The following CCL17 variants were observed in gnomAD, a reference collection of about 807,000 sequenced individuals.
CCL17 encodes C-C motif chemokine ligand 17.
In CCL17, 8 loss-of-function variants were observed where a neutral mutation model predicts 7.4. The observed-to-expected ratio is 1.09, with a 90% CI of 0.64 to 1.96. The LOEUF (loss-of-function observed/expected upper bound fraction) is 1.96. Ranked by LOEUF, CCL17 falls within the 30% of genes most tolerant of loss-of-function variation. The pLI is 0.00. For missense variants in CCL17, 102 were observed against 113.0 expected, an observed-to-expected ratio of 0.90 and a Z score of 0.44; for synonymous variants, 40 against 46.1, an observed-to-expected ratio of 0.87 and a Z score of 0.54.
Position 57,415,266 on chromosome 16 carries a change from C to A in CCL17, c.188+68C>A. On this transcript the variant is annotated intron_variant, in intron 3 of 3. Coordinates refer to ENST00000219244, the MANE Select transcript of CCL17 (RefSeq NM_002987.3). This position sits in a 1 kb window ranked among gnomAD's most constrained non-coding sequence, Gnocchi z 4.5. Reference sequence around the variant, plus strand: ...TGGGGACAAGTGCACCCTGGAGCTCCCAGGACGGCCAATGGGGAGCAGGGA... The same window carrying A: ...TGGGGACAAGTGCACCCTGGAGCTCACAGGACGGCCAATGGGGAGCAGGGA... 9.8e-7 allele frequency: 1 copy of A among 1,024,786 alleles called. No homozygotes were observed. 63.5% of individuals were successfully genotyped at this position (1,024,786 alleles called of 1,614,324 possible). A position where few individuals can be genotyped will look rare whatever the true frequency, so the allele number is the denominator to read the frequency against.
intron 1 of CCL17, among the ~76,000 whole-genome samples, chr16:57,409,976 G>T (rs1301091648): frequency 6.6e-6 from 1 of 152,172 alleles, no homozygotes; most frequent in Non-Finnish European, 1.5e-5. Context: ...GAGCTGCTCC[G>T]GGAGACCTCG....
intron 1 of CCL17, among the ~76,000 whole-genome samples, chr16:57,408,772 C>A (rs1369286908): frequency 6.6e-6 from 1 of 151,778 alleles, no homozygotes; most frequent in Non-Finnish European, 1.5e-5. Flanking sequence ...GACAGGGTTT[C>A]ACCATGTTGG....
chr16:57,407,450 A>G (rs1902712787), intron 1 of CCL17, among the ~76,000 whole-genome samples: 1 of 152,174 alleles, frequency 6.6e-6, no homozygotes, highest in African/African-American at 2.4e-5. Flanking sequence ...ACTGGTTTAA[A>G]AACTATTTGG....
upstream of CCL17, among the ~76,000 whole-genome samples, chr16:57,400,953 A>G (rs1373643122): frequency 5.3e-5 from 8 of 151,536 alleles, no homozygotes; most frequent in African/African-American, 1.9e-4. Context: ...GGGTGACAAG[A>G]GCGAGACCCC....
At chr16:57,404,546 G>A (rs182500327), upstream of CCL17, among the ~76,000 whole-genome samples, 73 of 152,198 alleles carry the variant, frequency 4.8e-4, no homozygotes, top group South Asian at 3.9e-3. Context: ...TTCAGACTTG[G>A]GGGGTTGGAG....
At chr16:57,412,512 G>A (rs1902801603) in intron 1 of CCL17, among the ~76,000 whole-genome samples, 1 of 152,248 alleles carries the variant, frequency 6.6e-6, no homozygotes, top group African/African-American at 2.4e-5. Flanking sequence ...AATAGCGGCT[G>A]TTGCAGTTAT....
upstream of CCL17, among the ~76,000 whole-genome samples, chr16:57,400,275 C>T (rs1319235960): frequency 2.6e-5 from 4 of 151,964 alleles, no homozygotes; most frequent in African/African-American, 4.8e-5. Flanking sequence ...AGGAGAATGG[C>T]GTGAACCCGA....
At chr16:57,401,761 C>G (rs971682654), upstream of CCL17, among the ~76,000 whole-genome samples, 7 of 152,064 alleles carry the variant, frequency 4.6e-5, no homozygotes, top group Non-Finnish European at 7.4e-5. Flanking sequence ...AACGCTGATG[C>G]CCTACCCAGG....
At chr16:57,400,203 CA>C (rs1281386834), upstream of CCL17, among the ~76,000 whole-genome samples, 1 of 151,986 alleles carries the variant, frequency 6.6e-6, no homozygotes, top group Non-Finnish European at 1.5e-5. Flanking sequence ...ACTAAAAATA[CA>C]AAAAATTAGC....
chr16:57,415,721 C>A lies in CCL17; in HGVS notation c.189-44C>A. 1 of 1,312,318 alleles carries A rather than the reference C, an allele frequency of 7.6e-7. No homozygotes were observed. The highest frequency in any genetic ancestry group is 1.1e-6 in the Non-Finnish European group (1 of 905,086). The allele number at this position is 1,312,318 out of a possible 1,614,324, so 81.3% of individuals were successfully genotyped here. On this transcript the variant is annotated intron_variant, in intron 3 of 3. Transcript: ENST00000219244. This position sits in a 1 kb window ranked among gnomAD's most constrained non-coding sequence, Gnocchi z 4.5. ...GGGCCGTCCCAGGGACTCTGGGGGC[C>A]CTTCCCCCCCTGCCACTCCTGGTAA... is the stretch of plus-strand genomic sequence containing the variant.
the CCL17 span, among the ~76,000 whole-genome samples, chr16:57,396,643 C>G: frequency 6.6e-6 from 1 of 152,172 alleles, no homozygotes; most frequent in East Asian, 1.9e-4. Flanking sequence ...ATTATTAAAC[C>G]TAGACTGTTT....
chr16:57,397,492 G>A, the CCL17 span, among the ~76,000 whole-genome samples: 2 of 152,152 alleles, frequency 1.3e-5, no homozygotes, highest in African/African-American at 4.8e-5. Context: ...TATTTCTAAT[G>A]GGAGTTTCCA....
upstream of CCL17, among the ~76,000 whole-genome samples, chr16:57,403,181 ATATAATATATATTATTATC>A (rs1902619616): frequency 1.9e-5 from 1 of 53,916 alleles, no homozygotes; most frequent in African/African-American, 8.8e-5. Context: ...TCTATAATAT[ATATAATATATATTATTATC>A]TATAATATAT....
chr16:57,410,861 G>T (rs1341340818), intron 1 of CCL17, among the ~76,000 whole-genome samples: 3 of 152,206 alleles, frequency 2.0e-5, no homozygotes, highest in South Asian at 2.1e-4. Context: ...GACACTGAAG[G>T]TTCACTGCAT....
At chr16:57,406,041 CA>C (rs111861821) in intron 1 of CCL17, among the ~76,000 whole-genome samples, 29 of 144,966 alleles carry the variant, frequency 2.0e-4, no homozygotes, top group East Asian at 2.0e-4. Flanking sequence ...GACTCCGTCT[CA>C]AAAAAAAAAA....
chr16:57,411,402 G>C (rs1369627904), intron 1 of CCL17, among the ~76,000 whole-genome samples: 1 of 152,178 alleles, frequency 6.6e-6, no homozygotes, highest in Non-Finnish European at 1.5e-5. Context: ...ACCTTCCACT[G>C]CTGCTTTCAT....
At chr16:57,403,697 C>T (rs1902654818), upstream of CCL17, among the ~76,000 whole-genome samples, 1 of 117,830 alleles carries the variant, frequency 8.5e-6, no homozygotes, top group Admixed American at 1.2e-4. Context: ...TGCTCTGTTG[C>T]CCAGGCTGGA....
chr16:57,397,014 C>T, the CCL17 span, among the ~76,000 whole-genome samples: 2 of 152,188 alleles, frequency 1.3e-5, no homozygotes, highest in South Asian at 4.1e-4. Flanking sequence ...TAACCACTTC[C>T]TGATCCTTCT....
intron 1 of CCL17, among the ~76,000 whole-genome samples, chr16:57,406,814 G>C (rs945641573): frequency 6.6e-6 from 1 of 152,144 alleles, no homozygotes; most frequent in Non-Finnish European, 1.5e-5. Flanking sequence ...TCATAAAATC[G>C]CTGTTAGTCA....
Sources: gnomAD v4.1 joint callset for allele counts (sites outside exome capture counted in the v4.1 genomes callset) on GRCh38, gnomAD v4.1.1 for gene constraint, Gnocchi (gnomAD v3.1) non-coding constraint, MANE v1.5 for transcripts, NCBI Gene and HGNC (gene_info 2026-07-23, HGNC 2026-07-21) for gene names.